The following CCDC82 variants were observed in gnomAD, a reference collection of about 807,000 sequenced individuals.
The protein encoded by CCDC82 is coiled-coil domain containing 82, also known as coiled-coil domain-containing protein 82.
CCDC82 carries 47 observed loss-of-function variants against 60.6 expected under a neutral mutation model. The ratio of observed to expected loss-of-function variants is 0.77; its 90% CI spans 0.61 to 0.99. The LOEUF is 0.99. Ranked by LOEUF, CCDC82 falls within the 50% of genes least tolerant of loss-of-function variation. The probability of loss-of-function intolerance (pLI) is 0.00; values close to 1 mark genes in which losing one functional copy is unlikely to be tolerated. For missense variants in CCDC82, 588 were observed against 633.0 expected (o/e 0.93, Z 0.76); for synonymous variants, 212 against 207.4 (o/e 1.02, Z -0.19).
At chr11:96,357,550 C>T (rs1449351475) in intron 9 of CCDC82, 25 of 985,126 alleles carry the variant, frequency 2.5e-5, no homozygotes, top group Non-Finnish European at 2.8e-5. Context: ...TAAGCTTTTT[C>T]TAGGATACAT....
intron 3 of CCDC82, chr11:96,385,416 C>G (rs920586140): frequency 1.3e-5 from 2 of 152,218 alleles, no homozygotes; most frequent in African/African-American, 4.8e-5. Context: ...ATGACTCACC[C>G]TGTAGGCAAA....
chr11:96,372,194 A>G (rs556045017), intron 6 of CCDC82, among the ~76,000 whole-genome samples: 1 of 152,208 alleles, frequency 6.6e-6, no homozygotes, highest in African/African-American at 2.4e-5. Context: ...CTAAGCAAGT[A>G]ATCCACGTAT....
intron 9 of CCDC82, chr11:96,354,979 T>C (rs1045230822): frequency 1.3e-5 from 2 of 152,144 alleles, no homozygotes; most frequent in African/African-American, 4.8e-5. Context: ...CTCTTTTTTA[T>C]AACCGTATGA....
rs998242113 is a variant in CCDC82, at chr11:96,384,683, G to C, written c.65C>G (p.Ser22Cys). ...TTTAGTTCGCCTCCAATCAACTCGA[G>C]ATTTCTGCTCAGGCACGTGACTCTT... Reference protein sequence around the residue: ...NSKSHVPEQKSRVDWRRTKRS... With the variant: ...NSKSHVPEQKCRVDWRRTKRS... Residue 22 changes from serine (S) to cysteine (C), a missense_variant, in exon 4 of 10, where the codon TCT (serine) becomes TGT (cysteine). Coordinates refer to ENST00000646818, the MANE Select transcript of CCDC82 (RefSeq NM_024725.4). 6.2e-7 allele frequency: 1 copy of C among 1,613,096 alleles called. No homozygotes were observed. The highest frequency in any genetic ancestry group is 2.2e-5 in the East Asian group (1 of 44,850).
intron 7 of CCDC82, among the ~76,000 whole-genome samples, chr11:96,370,023 A>G (rs557783234): frequency 6.6e-6 from 1 of 152,344 alleles, no homozygotes; most frequent in African/African-American, 2.4e-5. Context: ...TAAATTTATC[A>G]AAAGTCAAAA....
chr11:96,373,035 G>C (rs1176052748), intron 6 of CCDC82, among the ~76,000 whole-genome samples: 1 of 152,060 alleles, frequency 6.6e-6, no homozygotes, highest in Non-Finnish European at 1.5e-5. Context: ...AAACAGCATG[G>C]AACTTTTAAT....
chr11:96,383,429 C>A lies in CCDC82; in HGVS notation c.831G>T (p.Glu277Asp). The A allele has an allele frequency of 6.2e-7, 1 of 1,604,866 alleles. No homozygotes were observed. The highest frequency in any genetic ancestry group is 8.5e-7 in the Non-Finnish European group (1 of 1,175,296). ...ATTCATAATTATCCTCTTCTTCCTC[C>A]TCATCAACTTCATCACTGCTTGGGC... is the stretch of plus-strand genomic sequence containing the variant. ...ESCPSSDEVD[E>D]EEEEDNYESD... The change falls in exon 5 of 10, where the codon GAG (glutamate) becomes GAT (aspartate). Residue 277 changes from glutamate (E) to aspartate (D), a missense_variant. By Grantham distance (45) the Glu-to-Asp change is conservative. Transcript: ENST00000646818.
chr11:96,363,983 T>G (rs1289579999), intron 8 of CCDC82: 1 of 152,172 alleles, frequency 6.6e-6, no homozygotes, highest in Non-Finnish European at 1.5e-5. Context: ...TTTGAATAAC[T>G]ATTTTATATA....
chr11:96,361,647 T>A (rs1864666643), intron 8 of CCDC82, among the ~76,000 whole-genome samples: 1 of 152,208 alleles, frequency 6.6e-6, no homozygotes, highest in Non-Finnish European at 1.5e-5. Flanking sequence ...TTTAGTGTAT[T>A]GTTACAGCCC....
intron 7 of CCDC82, 84 bp downstream of exon 7, chr11:96,370,926 TAGA>T: frequency 3.5e-6 from 4 of 1,149,046 alleles, no homozygotes; most frequent in Non-Finnish European, 4.7e-6. Context: ...GCCAATATTT[TAGA>T]AGATTATTCA....
rs1350184654 is a variant in CCDC82 at position 96,359,131 on chromosome 11, A to G, written c.1428T>C (p.His476=). Residue 476 remains histidine (H), a synonymous_variant, in exon 9 of 10, where the codon CAT becomes CAC. Transcript: ENST00000646818. ...GTTTGAATTTAAAATGTTTCAGTTT[A>G]TGATAAATTCTGGTACGGCTGGCAC... The part of the protein sequence containing the change: ...RICASRTRIY[H]KLKHFKFKLY... The G allele has an allele frequency of 1.9e-6, 3 of 1,596,134 alleles. No individual in the cohort carries two copies. The highest frequency in any genetic ancestry group is 2.6e-6 in the Non-Finnish European group (3 of 1,175,266).
chr11:96,358,727 G>C (rs879085199), intron 9 of CCDC82: 1 of 1,055,708 alleles, frequency 9.5e-7, no homozygotes. Context: ...ACATAAAAGC[G>C]AAAGGACAGA....
intron 5 of CCDC82, chr11:96,381,792 A>G (rs1227223032): frequency 1.3e-5 from 2 of 151,810 alleles, no homozygotes; most frequent in Non-Finnish European, 3.0e-5. Context: ...CCATTTAAGG[A>G]AATCTGTGAT....
chr11:96,358,064 T>G (rs1591159931), intron 9 of CCDC82: 1 of 984,260 alleles, frequency 1.0e-6, no homozygotes, highest in Non-Finnish European at 1.2e-6. Context: ...TAAAAAAGTT[T>G]CTGTTTTGTT....
At chr11:96,387,014 C>CA (rs1866232709) in intron 2 of CCDC82, 1 of 152,120 alleles carries the variant, frequency 6.6e-6, no homozygotes, top group Non-Finnish European at 1.5e-5. Context: ...CTGTATAGTA[C>CA]AAAAAAGTAT....
At chr11:96,385,457 T>TA (rs1242554637) in intron 3 of CCDC82, 1 of 152,200 alleles carries the variant, frequency 6.6e-6, no homozygotes, top group Non-Finnish European at 1.5e-5. Flanking sequence ...ATATAAAGTA[T>TA]AAAAGATCAA....
Position 96,359,087 on chromosome 11 carries a change from G to A in CCDC82, c.1472C>T (p.Thr491Ile), listed in dbSNP as rs759951325. 2.5e-6 allele frequency: 4 copies of A among 1,606,178 alleles called. No individual in the cohort carries two copies. In the South Asian group the frequency reaches 4.5e-5, roughly 18 times the overall value. ...FKFKLYQECC[T>I]IAMTEEVEDE... ...TTCAACTTCTTCTGTCATTGCAATG[G>A]TGCAACATTCCTGGTATAGTTTGAA... is the stretch of plus-strand genomic sequence containing the variant. Residue 491 changes from threonine (T) to isoleucine (I), a missense_variant, in exon 9 of 10, where the codon ACC becomes ATC. Coordinates refer to ENST00000646818, the MANE Select transcript of CCDC82 (RefSeq NM_024725.4).
rs369937047 is a variant in CCDC82, at chr11:96,384,273, C to T, written c.475G>A (p.Asp159Asn). The T allele has an allele frequency of 2.1e-5, 34 of 1,613,474 alleles. No individual in the cohort carries two copies. The highest frequency in any genetic ancestry group is 5.5e-5 in the South Asian group (5 of 91,052). Reference sequence around the variant, plus strand: ...ATTTGTCCAGTTTGTTTGTTGAGATCATTATCCTCTTGACTTAAATGTTTT... The same window carrying T: ...ATTTGTCCAGTTTGTTTGTTGAGATTATTATCCTCTTGACTTAAATGTTTT... ...QEKHLSQEDN[D>N]LNKQTGQIIE... The change falls in exon 4 of 10, where the codon GAT becomes AAT. Residue 159 changes from aspartate (D) to asparagine (N), a missense_variant. Transcript: ENST00000646818.
chr11:96,364,137 T>A (rs1864821713), intron 8 of CCDC82: 1 of 152,122 alleles, frequency 6.6e-6, no homozygotes, highest in Non-Finnish European at 1.5e-5. Context: ...TGGTCCCTAA[T>A]GTACGAAATC....
Sources: gnomAD v4.1 joint callset for allele counts (sites outside exome capture counted in the v4.1 genomes callset) on GRCh38, gnomAD v4.1.1 for gene constraint, MANE v1.5 for transcripts, NCBI Gene and HGNC (gene_info 2026-07-23, HGNC 2026-07-21) for gene names.